Variants in PRKCI observed in about 807,000 individuals in gnomAD.
PRKCI encodes the protein protein kinase C iota.
A neutral mutation model predicts 84.0 loss-of-function variants in PRKCI; 43 were observed. That is an observed-to-expected ratio of 0.51 (90% CI 0.40 to 0.66). The LOEUF (loss-of-function observed/expected upper bound fraction) is 0.66, where lower values mean the gene tolerates loss of function less well. PRKCI is among the 30% of genes least tolerant of loss of function. The probability of loss-of-function intolerance (pLI) is 0.00; values close to 1 mark genes in which losing one functional copy is unlikely to be tolerated. For synonymous variants in PRKCI, 216 were observed against 234.4 expected (o/e 0.92, Z 0.72); for missense variants, 459 against 745.6 (o/e 0.62, Z 4.48).
intron 1 of PRKCI, among the ~76,000 whole-genome samples, chr3:170,232,766 G>A (rs1411140265): frequency 6.6e-6 from 1 of 151,644 alleles, no homozygotes; most frequent in Admixed American, 6.6e-5. Context: ...GGCTGGCCTT[G>A]AACTCCTGAG....
At chr3:170,287,265 G>A (rs1401214379) in intron 12 of PRKCI, among the ~76,000 whole-genome samples, 3 of 151,930 alleles carry the variant, frequency 2.0e-5, no homozygotes, top group Non-Finnish European at 4.4e-5. Flanking sequence ...TGGGGCTGTA[G>A]TGAGCTGTAA....
chr3:170,232,980 T>G (rs1732839511), intron 1 of PRKCI, among the ~76,000 whole-genome samples: 1 of 152,130 alleles, frequency 6.6e-6, no homozygotes, highest in Non-Finnish European at 1.5e-5. Flanking sequence ...TTCTTCATTA[T>G]TAAAAGGTGG....
chr3:170,265,444 G>C lies in PRKCI; in HGVS notation c.364+2015G>C, dbSNP rs1033527798. Among the ~76,000 whole-genome samples, 6 of 152,154 alleles carry C rather than the reference G, an allele frequency of 3.9e-5. No homozygotes were observed. In the South Asian group the frequency reaches 1.2e-3, roughly 32 times the overall value. On this transcript the variant is annotated intron_variant, in intron 4 of 17. Transcript: ENST00000295797. ...TCTTTGTTCTAATGTAATTTAATAT[G>C]CAAACTTATGTTTGATTGTAAGTTA...
intron 2 of PRKCI, among the ~76,000 whole-genome samples, chr3:170,239,075 T>A (rs1005248573): frequency 1.3e-5 from 2 of 152,224 alleles, no homozygotes; most frequent in Non-Finnish European, 1.5e-5. Context: ...ATAAATATAA[T>A]TTTTGTCCAT....
Position 170,260,565 on chromosome 3 carries a change from A to C in PRKCI, c.313+507A>C, listed in dbSNP as rs1160769104. On this transcript the variant is annotated intron_variant, in intron 3 of 17. Coordinates refer to ENST00000295797, the MANE Select transcript of PRKCI (RefSeq NM_002740.6). ...CAACCTCTGCCTCCTGGGTTCAAGC[A>C]TCTCAGCCTCCCAAGTAGCTGGGAT... Among the ~76,000 whole-genome samples, 4 of 151,972 alleles carry C rather than the reference A, an allele frequency of 2.6e-5. No individual in the cohort carries two copies. In the East Asian group the frequency reaches 5.8e-4, roughly 22 times the overall value.
At chr3:170,273,417 C>A in intron 7 of PRKCI, 77 bp downstream of exon 7, 5 of 1,386,786 alleles carry the variant, frequency 3.6e-6, no homozygotes, top group South Asian at 1.2e-5. Flanking sequence ...ACTCTCTTAC[C>A]CAAGTTTAAA....
chr3:170,282,576 A>G (rs1347926651), intron 11 of PRKCI, among the ~76,000 whole-genome samples: 1 of 151,102 alleles, frequency 6.6e-6, no homozygotes, highest in Non-Finnish European at 1.5e-5. Flanking sequence ...GGGTGCCTGT[A>G]ATCCCAGCTA....
intron 12 of PRKCI, among the ~76,000 whole-genome samples, chr3:170,288,681 G>A (rs1296981252): frequency 6.6e-6 from 1 of 152,046 alleles, no homozygotes; most frequent in Non-Finnish European, 1.5e-5. Flanking sequence ...CCTGGGGTGG[G>A]GTGGAGATTG....
At chr3:170,292,936 G>A (rs1734593124) in intron 13 of PRKCI, among the ~76,000 whole-genome samples, 2 of 140,994 alleles carry the variant, frequency 1.4e-5, no homozygotes, top group South Asian at 4.6e-4. Flanking sequence ...AGCTACTCGG[G>A]AGGCCGAGGC....
chr3:170,273,420 A>C (rs1234263095), intron 7 of PRKCI, 80 bp downstream of exon 7: 19 of 1,347,332 alleles, frequency 1.4e-5, no homozygotes, highest in Non-Finnish European at 1.9e-5. Context: ...CTCTTACCCA[A>C]GTTTAAAAAC....
intron 10 of PRKCI, chr3:170,281,465 G>A (rs181203686): frequency 1.4e-4 from 69 of 499,980 alleles, no homozygotes; most frequent in Middle Eastern, 5.2e-4. Context: ...CCTACTTTAG[G>A]CAGAACAGGA....
At chr3:170,284,622 A>G (rs753513869) in intron 12 of PRKCI, 26 bp downstream of exon 12, 25 of 1,600,504 alleles carry the variant, frequency 1.6e-5, no homozygotes, top group Non-Finnish European at 8.5e-6. Flanking sequence ...TAGTTATTTT[A>G]AAAGGTCTTC....
chr3:170,244,223 G>A, intron 2 of PRKCI, among the ~76,000 whole-genome samples: 1 of 152,120 alleles, frequency 6.6e-6, no homozygotes, highest in Non-Finnish European at 1.5e-5. Flanking sequence ...GCTTCTGGTT[G>A]CCAGAGGAAT....
chr3:170,251,400 AAATATTTGC>A (rs1733439897), intron 2 of PRKCI, among the ~76,000 whole-genome samples: 2 of 152,208 alleles, frequency 1.3e-5, no homozygotes, highest in African/African-American at 4.8e-5. Flanking sequence ...AACTGAGAGA[AAATATTTGC>A]AACATTTACA....
Position 170,258,468 on chromosome 3 carries a change from G to T in PRKCI, c.224-1501G>T, listed in dbSNP as rs190468131. On this transcript the variant is annotated intron_variant, in intron 2 of 17. Transcript: ENST00000295797. ...CTGCAGGCACACACCACTGTGCCTG[G>T]CTAATTTTTGTATTTTTAGTGGAGA... 1.0e-3 allele frequency among the ~76,000 whole-genome samples: 154 copies of T among 151,922 alleles called. 1 individual carries two copies. The highest frequency in any genetic ancestry group is 3.5e-3 in the African/African-American group (146 of 41,456).
intron 17 of PRKCI, among the ~76,000 whole-genome samples, chr3:170,301,984 C>T (rs1489635955): frequency 6.6e-6 from 1 of 152,184 alleles, no homozygotes; most frequent in African/African-American, 2.4e-5. Context: ...AGCTACTCAC[C>T]ATTCCCTAGT....
chr3:170,297,582 G>C (rs1226271290), intron 16 of PRKCI, among the ~76,000 whole-genome samples, 189 bp downstream of exon 16: 1 of 152,078 alleles, frequency 6.6e-6, no homozygotes, highest in Non-Finnish European at 1.5e-5. Flanking sequence ...CTCCCTAGTA[G>C]CTGGAATTAC....
intron 1 of PRKCI, among the ~76,000 whole-genome samples, chr3:170,227,873 G>A (rs1384565101): frequency 3.3e-5 from 5 of 152,140 alleles, no homozygotes; most frequent in African/African-American, 1.2e-4. Flanking sequence ...TAATTTGGAG[G>A]CTTTTGAAGT....
chr3:170,297,518 G>C, intron 16 of PRKCI, 125 bp downstream of exon 16: 2 of 736,812 alleles, frequency 2.7e-6, no homozygotes, highest in Non-Finnish European at 4.6e-6. Context: ...ACAATGGCAC[G>C]ATCTCAGCTC....
Sources: allele counts gnomAD v4.1 joint callset (sites outside exome capture counted in the v4.1 genomes callset), GRCh38; gene constraint gnomAD v4.1.1; transcripts MANE v1.5; gene names NCBI Gene and HGNC (gene_info 2026-07-23, HGNC 2026-07-21).